NALF1: variants seen among roughly 807,000 people sequenced by gnomAD.
The protein encoded by NALF1 is family with sequence similarity 155 member A.
In NALF1, 3 loss-of-function variants were observed where a neutral mutation model predicts 48.4. That is an observed-to-expected ratio of 0.06 (90% CI 0.03 to 0.16). The LOEUF is 0.16. NALF1 is among the 10% of genes least tolerant of loss of function. NALF1 has a pLI of 1.00. For synonymous variants in NALF1, 262 were observed against 245.7 expected, an observed-to-expected ratio of 1.07 and a Z score of -0.62; for missense variants, 526 against 571.5, an observed-to-expected ratio of 0.92 and a Z score of 0.81.
At chr13:107,368,161 T>G (rs2138961696) in intron 1 of NALF1, among the ~76,000 whole-genome samples, 1 of 152,228 alleles carries the variant, frequency 6.6e-6, no homozygotes, top group South Asian at 2.1e-4. Context: ...AAACAAAGGG[T>G]TATTGCCCCA....
At chr13:107,647,296 C>A (rs1880338482) in intron 1 of NALF1, among the ~76,000 whole-genome samples, 1 of 151,936 alleles carries the variant, frequency 6.6e-6, no homozygotes, top group South Asian at 2.1e-4. Flanking sequence ...TCACTCTATG[C>A]CCTCAGTAAA....
chr13:107,446,511 C>G (rs1421692125), intron 1 of NALF1, among the ~76,000 whole-genome samples: 1 of 152,000 alleles, frequency 6.6e-6, no homozygotes, highest in Non-Finnish European at 1.5e-5. Flanking sequence ...TACTATGTAT[C>G]ATCTTTTTAT....
intron 1 of NALF1, among the ~76,000 whole-genome samples, chr13:107,613,725 C>T (rs1202535136): frequency 2.0e-5 from 3 of 152,112 alleles, no homozygotes; most frequent in African/African-American, 2.4e-5. Flanking sequence ...CACAGCATAG[C>T]GCTTAGCACA....
At chr13:107,359,027 CTCTACTATCAGGGAAGCTT>C (rs930945165) in intron 1 of NALF1, among the ~76,000 whole-genome samples, 3 of 152,122 alleles carry the variant, frequency 2.0e-5, no homozygotes, top group African/African-American at 7.2e-5. Flanking sequence ...ATCTTATATT[CTCTACTATCAGGGAAGCTT>C]TCATTCCAGG....
intron 1 of NALF1, among the ~76,000 whole-genome samples, chr13:107,674,105 G>A (rs1361878599): frequency 6.6e-6 from 1 of 151,532 alleles, no homozygotes; most frequent in African/African-American, 2.4e-5. Context: ...TATCTAATCT[G>A]ATTTCCTGGC....
At chr13:107,797,222 T>C (rs1445523757) in intron 1 of NALF1, among the ~76,000 whole-genome samples, 1 of 152,192 alleles carries the variant, frequency 6.6e-6, no homozygotes, top group Non-Finnish European at 1.5e-5. Flanking sequence ...TCTTTGTCTT[T>C]TGAGACGGAG....
chr13:107,333,585 C>A (rs772574791), intron 1 of NALF1, among the ~76,000 whole-genome samples: 1 of 152,054 alleles, frequency 6.6e-6, no homozygotes, highest in Non-Finnish European at 1.5e-5. Context: ...GGGGCAGGTA[C>A]GAGTAAATTT....
intron 2 of NALF1, among the ~76,000 whole-genome samples, chr13:107,180,031 C>A (rs1879029941): frequency 6.7e-6 from 1 of 149,520 alleles, no homozygotes; most frequent in Non-Finnish European, 1.5e-5. Flanking sequence ...TTTGAGGATA[C>A]CCCATTTAGC....
intron 1 of NALF1, among the ~76,000 whole-genome samples, chr13:107,473,882 C>T (rs1231382643): frequency 6.6e-6 from 1 of 152,146 alleles, no homozygotes; most frequent in Non-Finnish European, 1.5e-5. Flanking sequence ...GTGATGACAG[C>T]GGGGCCCTAC....
chr13:107,718,660 C>A (rs1875893494), intron 1 of NALF1, among the ~76,000 whole-genome samples: 1 of 152,170 alleles, frequency 6.6e-6, no homozygotes, highest in African/African-American at 2.4e-5. Context: ...AGAACACAGT[C>A]TTTGAAGCCA....
At chr13:107,773,374 A>G (rs1400500136) in intron 1 of NALF1, among the ~76,000 whole-genome samples, 1 of 152,176 alleles carries the variant, frequency 6.6e-6, no homozygotes, top group Admixed American at 6.5e-5. Context: ...AACAGTGCAG[A>G]AAAGACTAAT....
intron 1 of NALF1, among the ~76,000 whole-genome samples, chr13:107,266,175 A>T (rs971415708): frequency 1.3e-5 from 2 of 152,218 alleles, no homozygotes; most frequent in Admixed American, 6.5e-5. Flanking sequence ...CCTTCTTTCC[A>T]TTCAGATAGC....
chr13:107,434,507 C>G (rs1884433015), intron 1 of NALF1, among the ~76,000 whole-genome samples: 1 of 152,176 alleles, frequency 6.6e-6, no homozygotes, highest in Non-Finnish European at 1.5e-5. Flanking sequence ...TTTTGCCAGC[C>G]TACCTCTCCT....
At chr13:107,369,038 T>A (rs1285864828) in intron 1 of NALF1, among the ~76,000 whole-genome samples, 1 of 152,210 alleles carries the variant, frequency 6.6e-6, no homozygotes, top group Non-Finnish European at 1.5e-5. Flanking sequence ...CTTGCAAGCT[T>A]CTGCTCATTG....
At chr13:107,249,318 T>G (rs1880647265) in intron 1 of NALF1, among the ~76,000 whole-genome samples, 1 of 152,156 alleles carries the variant, frequency 6.6e-6, no homozygotes, top group Non-Finnish European at 1.5e-5. Flanking sequence ...AGTAGTTTCT[T>G]GAAAATCTTA....
intron 1 of NALF1, among the ~76,000 whole-genome samples, chr13:107,568,898 AAC>A (rs1877897614): frequency 6.6e-6 from 1 of 152,154 alleles, no homozygotes; most frequent in Non-Finnish European, 1.5e-5. Flanking sequence ...TTATCTTTAT[AAC>A]AGTCTTTTGC....
chr13:107,196,689 G>A (rs574763429), intron 2 of NALF1, among the ~76,000 whole-genome samples: 1 of 152,154 alleles, frequency 6.6e-6, no homozygotes, highest in Non-Finnish European at 1.5e-5. Context: ...TCTCCATGGT[G>A]GGGGAGATGG....
At chr13:107,829,829 G>A (rs1038988419) in intron 1 of NALF1, among the ~76,000 whole-genome samples, 2 of 152,090 alleles carry the variant, frequency 1.3e-5, no homozygotes, top group African/African-American at 2.4e-5. Flanking sequence ...TATTGTAATA[G>A]GAGGGTACAT....
chr13:107,807,061 C>A (rs552216256), intron 1 of NALF1, among the ~76,000 whole-genome samples: 1 of 152,092 alleles, frequency 6.6e-6, no homozygotes, highest in Non-Finnish European at 1.5e-5. Context: ...TACTGACATG[C>A]ACTTCTAAAA....
Sources: gnomAD v4.1 joint callset for allele counts (sites outside exome capture counted in the v4.1 genomes callset) on GRCh38, gnomAD v4.1.1 for gene constraint, MANE v1.5 for transcripts, NCBI Gene and HGNC (gene_info 2026-07-23, HGNC 2026-07-21) for gene names.